ANKRD11: variants seen among roughly 807,000 people sequenced by gnomAD.
ANKRD11 encodes the protein ankyrin repeat domain-containing protein 11.
ANKRD11 carries 17 observed loss-of-function variants against 195.7 expected under a neutral mutation model. The observed-to-expected ratio is 0.09, with a 90% CI of 0.06 to 0.13. ANKRD11 has a LOEUF of 0.13. Among genes scored for constraint, ANKRD11 ranks in the 10% least tolerant of loss-of-function variants. The pLI, the probability that ANKRD11 is intolerant of heterozygous loss-of-function variation, is 1.00. For missense variants in ANKRD11, 3,735 were observed against 3,566.1 expected (o/e 1.05, Z -1.21); for synonymous variants, 1,953 against 1,528.1 (o/e 1.28, Z -6.49).
intron 1 of ANKRD11, among the ~76,000 whole-genome samples, chr16:89,442,703 C>T (rs1597420587): frequency 6.6e-6 from 1 of 152,356 alleles, no homozygotes; most frequent in African/African-American, 2.4e-5. Flanking sequence ...CTCCCCACCA[C>T]CCACCAGGAA....
chr16:89,374,433 G>C (rs1397454431), intron 2 of ANKRD11, among the ~76,000 whole-genome samples: 2 of 152,032 alleles, frequency 1.3e-5, no homozygotes, highest in Non-Finnish European at 2.9e-5. Context: ...GATACAACAG[G>C]AACTGTACAT....
At chr16:89,444,195 T>G (rs1366386824) in intron 1 of ANKRD11, among the ~76,000 whole-genome samples, 1 of 151,966 alleles carries the variant, frequency 6.6e-6, no homozygotes, top group East Asian at 1.9e-4. Flanking sequence ...TATGCAAGTT[T>G]TAAAATCACA....
intron 4 of ANKRD11, chr16:89,301,286 T>C (rs2035839252): frequency 2.7e-6 from 1 of 377,308 alleles, no homozygotes; most frequent in African/African-American, 2.1e-5. Flanking sequence ...TTTTAAGTTT[T>C]GGGAAACCTT....
chr16:89,296,317 C>T lies in ANKRD11; in HGVS notation c.227-5134G>A, dbSNP rs923557318. On this transcript the variant is annotated intron_variant, in intron 4 of 12. Transcript: ENST00000301030. ...CTCTGCTGCCGGCCTCTGGAGCCACCGTCTCCCTGCCCTGCTCTCTCCTCT... is the reference window on the plus strand; with the variant it reads ...CTCTGCTGCCGGCCTCTGGAGCCACTGTCTCCCTGCCCTGCTCTCTCCTCT... Among the ~76,000 whole-genome samples the T allele has an allele frequency of 4.6e-5, 7 of 152,236 alleles. No individual in the cohort carries two copies. The South Asian group carries it at 6.2e-4, about 14-fold the overall frequency.
chr16:89,367,445 G>A (rs1040418070), intron 2 of ANKRD11, among the ~76,000 whole-genome samples: 20 of 152,098 alleles, frequency 1.3e-4, no homozygotes, highest in Admixed American at 3.3e-4. Context: ...GCTCTCAAAC[G>A]ACCGGGAGTC....
chr16:89,401,240 G>A (rs893293172), intron 2 of ANKRD11, among the ~76,000 whole-genome samples: 3 of 151,996 alleles, frequency 2.0e-5, no homozygotes, highest in Admixed American at 6.5e-5. Context: ...CACCACGCCC[G>A]GCTAACATTT....
At chr16:89,271,150 TGCCCGCAGGCCCCACCTGTGAGCCG>T in intron 11 of ANKRD11, 1 of 553,242 alleles carries the variant, frequency 1.8e-6, no homozygotes, top group South Asian at 1.9e-5. Flanking sequence ...GGGCACCGGG[TGCCCGCAGGCCCCACCTGTGAGCCG>T]GTCCCCAGCC....
chr16:89,377,133 G>A (rs2040455879), intron 2 of ANKRD11, among the ~76,000 whole-genome samples: 1 of 152,186 alleles, frequency 6.6e-6, no homozygotes, highest in African/African-American at 2.4e-5. Flanking sequence ...AGAACCCCGT[G>A]AGTTCAACAG....
In ANKRD11 at chr16:89,283,682, C is replaced by T. The variant is rs745768322; in HGVS notation, c.2860G>A (p.Ala954Thr). ...CTGCGCTCCTTGCAGCTCTCCAGGG[C>T]GTCCTTTCTGTCCCGCCCGGCCTCT... ...SAEAGRDRKD[A>T]LESCKERRDG... is the part of the protein sequence containing the mutation. The change falls in exon 9 of 13, where the codon GCC becomes ACC. Residue 954 changes from alanine (A) to threonine (T), a missense_variant. Physicochemically the swap from Ala to Thr is moderately conservative, Grantham distance 58 (BLOSUM62 0). Transcript: ENST00000301030. The surrounding 1 kb of genome is among the most constrained non-coding windows in gnomAD (Gnocchi z 4.3). 1.1e-5 allele frequency: 17 copies of T among 1,612,794 alleles called. No homozygotes were observed. The highest frequency in any genetic ancestry group is 4.5e-5 in the East Asian group (2 of 44,900).
chr16:89,339,275 C>T (rs777493643), intron 2 of ANKRD11, among the ~76,000 whole-genome samples: 10 of 152,188 alleles, frequency 6.6e-5, no homozygotes, highest in Admixed American at 4.6e-4. Flanking sequence ...GGCAATAGAA[C>T]GACCTAGAGA....
At chr16:89,300,680 T>G in intron 4 of ANKRD11, 1 of 538,202 alleles carries the variant, frequency 1.9e-6, no homozygotes, top group South Asian at 2.5e-5. Flanking sequence ...AGCCGTCTCC[T>G]ATCTGAGGCA....
intron 1 of ANKRD11, among the ~76,000 whole-genome samples, chr16:89,419,020 C>A (rs554942897): frequency 6.6e-6 from 1 of 152,140 alleles, no homozygotes; most frequent in South Asian, 2.1e-4. Context: ...CCATGCCCAG[C>A]CTTAAAAGGC....
chr16:89,380,098 T>C (rs1036523235), intron 2 of ANKRD11, among the ~76,000 whole-genome samples: 8 of 152,304 alleles, frequency 5.3e-5, no homozygotes, highest in Admixed American at 2.0e-4. Flanking sequence ...GGTACCCCAG[T>C]TGCAAAACAA....
intron 2 of ANKRD11, among the ~76,000 whole-genome samples, chr16:89,320,523 A>C (rs1191980818): frequency 6.6e-6 from 1 of 152,044 alleles, no homozygotes; most frequent in African/African-American, 2.4e-5. Flanking sequence ...CCTGGCCCTG[A>C]CCGCCCCCAG....
At chr16:89,442,449 T>C (rs760507735) in intron 1 of ANKRD11, among the ~76,000 whole-genome samples, 6 of 152,150 alleles carry the variant, frequency 3.9e-5, no homozygotes, top group Admixed American at 6.5e-5. Context: ...AGCTGGATCC[T>C]GAGTAAAAGA....
intron 4 of ANKRD11, chr16:89,304,972 G>C (rs2036090943): frequency 3.3e-6 from 2 of 612,796 alleles, no homozygotes; most frequent in East Asian, 2.9e-5. Flanking sequence ...CCACGTGTGT[G>C]GGACCCAAGA....
chr16:89,436,597 G>A (rs531856484), intron 1 of ANKRD11, among the ~76,000 whole-genome samples: 66 of 152,244 alleles, frequency 4.3e-4, no homozygotes, highest in African/African-American at 1.5e-3. Context: ...TGAAGCAGGC[G>A]GAAATGAAGA....
At chr16:89,382,834 G>A (rs1268770685) in intron 2 of ANKRD11, among the ~76,000 whole-genome samples, 2 of 151,950 alleles carry the variant, frequency 1.3e-5, no homozygotes, top group African/African-American at 2.4e-5. Flanking sequence ...CAAAAGTAGA[G>A]TTTCCTTTGT....
intron 1 of ANKRD11, among the ~76,000 whole-genome samples, chr16:89,483,027 G>A (rs776383147): frequency 1.3e-5 from 2 of 152,146 alleles, no homozygotes; most frequent in Non-Finnish European, 2.9e-5. Context: ...AGGTTATGGT[G>A]GTTAGTTACA....
Sources: gnomAD v4.1 joint callset for allele counts (sites outside exome capture counted in the v4.1 genomes callset) on GRCh38, gnomAD v4.1.1 for gene constraint, Gnocchi (gnomAD v3.1) non-coding constraint, MANE v1.5 for transcripts, NCBI Gene and HGNC (gene_info 2026-07-23, HGNC 2026-07-21) for gene names.